The following SNX24 variants were observed in gnomAD, a reference collection of about 807,000 sequenced individuals.
SNX24 encodes sorting nexin-24.
In SNX24, 22 loss-of-function variants were observed where a neutral mutation model predicts 28.7. The ratio of observed to expected loss-of-function variants is 0.77; its 90% CI spans 0.55 to 1.10. The LOEUF is 1.10. SNX24 is among the 50% of genes least tolerant of loss of function. SNX24 has a pLI of 0.00. For missense variants in SNX24, 221 were observed against 201.1 expected, an observed-to-expected ratio of 1.10 and a Z score of -0.60; for synonymous variants, 69 against 71.5, an observed-to-expected ratio of 0.96 and a Z score of 0.18.
intron 6 of SNX24, among the ~76,000 whole-genome samples, chr5:123,003,655 A>G (rs1477896343): frequency 6.6e-6 from 1 of 152,224 alleles, no homozygotes; most frequent in Non-Finnish European, 1.5e-5. Flanking sequence ...AATCCAATTC[A>G]TACAGCTTAT....
At chr5:122,932,774 G>A (rs1229421219) in intron 1 of SNX24, among the ~76,000 whole-genome samples, 2 of 150,180 alleles carry the variant, frequency 1.3e-5, no homozygotes, top group Non-Finnish European at 2.9e-5. Context: ...CAGGAGAATG[G>A]CGTGAACCCA....
intron 1 of SNX24, among the ~76,000 whole-genome samples, chr5:122,856,555 A>G (rs1420690883): frequency 6.9e-6 from 1 of 144,052 alleles, no homozygotes; most frequent in Non-Finnish European, 1.5e-5. Flanking sequence ...AGGCAGAGTC[A>G]TCCAGGCTGG....
At chr5:122,935,321 A>G (rs1338636321) in intron 1 of SNX24, among the ~76,000 whole-genome samples, 3 of 152,154 alleles carry the variant, frequency 2.0e-5, no homozygotes, top group East Asian at 1.9e-4. Context: ...ATTTCTGGCA[A>G]GACCTTTGAA....
rs148411925 is a variant in SNX24 at position 122,990,873 on chromosome 5, A to G, written c.250-9039A>G. Among the ~76,000 whole-genome samples, 141 of 152,272 alleles carry G rather than the reference A, an allele frequency of 9.3e-4. 1 individual carries two copies. In the Middle Eastern group the frequency reaches 0.01, roughly 11 times the overall value. On this transcript the variant is annotated intron_variant, in intron 3 of 6. Transcript: ENST00000261369. ...AGGTTTCTCTTACAGGTACGTAGCTAGTTTATAATTGTATGTATGTATGTA... is the reference window on the plus strand; with the variant it reads ...AGGTTTCTCTTACAGGTACGTAGCTGGTTTATAATTGTATGTATGTATGTA...
chr5:122,998,901 CACT>C (rs1762143668), intron 3 of SNX24, among the ~76,000 whole-genome samples: 3 of 152,146 alleles, frequency 2.0e-5, no homozygotes, highest in African/African-American at 4.8e-5. Context: ...GATATTTCAC[CACT>C]GATTCTCATA....
intron 1 of SNX24, among the ~76,000 whole-genome samples, chr5:122,916,260 C>A (rs1247718790): frequency 6.6e-6 from 1 of 152,156 alleles, no homozygotes; most frequent in African/African-American, 2.4e-5. Context: ...CTTCTTCATT[C>A]TGATTGCATG....
chr5:122,882,451 T>A (rs897224336), intron 1 of SNX24, among the ~76,000 whole-genome samples: 2 of 152,238 alleles, frequency 1.3e-5, no homozygotes, highest in African/African-American at 4.8e-5. Context: ...CTCTTGGAGA[T>A]TGGACTTGGT....
At chr5:122,926,159 G>C (rs1758685678) in intron 1 of SNX24, among the ~76,000 whole-genome samples, 1 of 152,140 alleles carries the variant, frequency 6.6e-6, no homozygotes, top group Non-Finnish European at 1.5e-5. Flanking sequence ...AACATGACCT[G>C]GAACAACAAC....
exon 6 of SNX24, chr5:123,029,267 A>C (rs1762909465): frequency 6.2e-7 from 1 of 1,613,880 alleles, no homozygotes; most frequent in Admixed American, 1.7e-5. Flanking sequence ...CTTCAAAGAA[A>C]GAAGACCCAA....
chr5:123,010,914 T>G (rs548127860), downstream of SNX24, among the ~76,000 whole-genome samples: 4 of 151,796 alleles, frequency 2.6e-5, no homozygotes, highest in African/African-American at 9.7e-5. Flanking sequence ...TGCTATTCTC[T>G]TTTTAAAAAA....
chr5:122,999,946 T>C lies in SNX24; in HGVS notation c.284T>C (p.Leu95Pro). ...VILENEELPK[L>P]FLDFLNVRHL... ...TTAGAAAATGAAGAACTTCCCAAACTGTTTCTTGATTTCCTAAATGTGCGA... is the reference window on the plus strand; with the variant it reads ...TTAGAAAATGAAGAACTTCCCAAACCGTTTCTTGATTTCCTAAATGTGCGA... Residue 95 changes from leucine (L) to proline (P), a missense_variant, in exon 4 of 7, where the codon CTG (leucine) becomes CCG (proline). Physicochemically the swap from Leu to Pro is moderately conservative, Grantham distance 98. Coordinates refer to ENST00000261369, the MANE Select transcript of SNX24 (RefSeq NM_014035.4). 1 of 1,613,418 alleles carries C rather than the reference T, an allele frequency of 6.2e-7. No individual in the cohort carries two copies. The highest frequency in any genetic ancestry group is 2.2e-5 in the East Asian group (1 of 44,872).
intron 1 of SNX24, among the ~76,000 whole-genome samples, chr5:122,895,435 C>T (rs1161552402): frequency 6.6e-6 from 1 of 152,136 alleles, no homozygotes; most frequent in African/African-American, 2.4e-5. Flanking sequence ...AGTCAGCCCC[C>T]CTGAGATAAT....
At chr5:123,025,785 A>C in intron 5 of SNX24, 1 of 1,611,884 alleles carries the variant, frequency 6.2e-7, no homozygotes, top group Non-Finnish European at 8.5e-7. Context: ...TCAATTTACC[A>C]TCCCATCAAT....
Position 122,936,644 on chromosome 5 carries a change from G to A in SNX24, c.61-90G>A, listed in dbSNP as rs112029569. On this transcript the variant is annotated intron_variant, in intron 1 of 6. Coordinates refer to ENST00000261369, the MANE Select transcript of SNX24 (RefSeq NM_014035.4). ...GGGGGATCAGCTACTGTAATTAAAG[G>A]GATGAAATATATCATGGTCACAAAC... The A allele has an allele frequency of 2.2e-3, 1,593 of 730,672 alleles. 22 individuals are homozygous for A. The African/African-American group carries it at 0.026, about 12-fold the overall frequency. The allele number at this position is 730,672 out of a possible 1,614,324, so 45.3% of individuals were successfully genotyped here.
At chr5:122,919,057 G>A (rs1310622651) in intron 1 of SNX24, among the ~76,000 whole-genome samples, 1 of 152,162 alleles carries the variant, frequency 6.6e-6, no homozygotes, top group Non-Finnish European at 1.5e-5. Flanking sequence ...TCTTGAATCT[G>A]CCTTTAATAA....
chr5:122,916,044 A>G (rs1758146691), intron 1 of SNX24, among the ~76,000 whole-genome samples: 1 of 152,248 alleles, frequency 6.6e-6, no homozygotes. Flanking sequence ...AGTTCACTGT[A>G]TTCCCATCCT....
intron 1 of SNX24, among the ~76,000 whole-genome samples, chr5:122,854,515 C>CAAAAAAAAAA (rs55693230): frequency 8.2e-6 from 1 of 121,408 alleles, no homozygotes. Flanking sequence ...CTCAAAAAAA[C>CAAAAAAAAAA]AAAAAAAAAA....
intron 1 of SNX24, among the ~76,000 whole-genome samples, chr5:122,870,180 A>G (rs1755910445): frequency 6.6e-6 from 1 of 152,200 alleles, no homozygotes; most frequent in African/African-American, 2.4e-5. Flanking sequence ...GAACTTTAGA[A>G]TGGAGATGTA....
At chr5:122,916,732 T>C (rs184137268) in intron 1 of SNX24, among the ~76,000 whole-genome samples, 23 of 152,318 alleles carry the variant, frequency 1.5e-4, no homozygotes, top group African/African-American at 5.3e-4. Context: ...CAAAATACAA[T>C]CTCTGACCAG....
Sources: allele counts gnomAD v4.1 joint callset (sites outside exome capture counted in the v4.1 genomes callset), GRCh38; gene constraint gnomAD v4.1.1; transcripts MANE v1.5; gene names NCBI Gene and HGNC (gene_info 2026-07-23, HGNC 2026-07-21).